GREB1: variants seen among roughly 807,000 people sequenced by gnomAD.
GREB1 encodes growth regulating estrogen receptor binding 1.
Under a neutral mutation model 200.7 loss-of-function variants are expected in GREB1, and 106 were observed. The ratio of observed to expected loss-of-function variants is 0.53; its 90% CI spans 0.45 to 0.62. GREB1 has a LOEUF of 0.62. Among genes scored for constraint, GREB1 ranks in the 20% least tolerant of loss-of-function variants. The pLI is 0.00. For missense variants in GREB1, 2,243 were observed against 2,556.8 expected (o/e 0.88, Z 2.65); for synonymous variants, 1,132 against 1,092.4 (o/e 1.04, Z -0.72).
At chr2:11,622,439 G>A (rs906366354) in intron 23 of GREB1, among the ~76,000 whole-genome samples, 6 of 152,152 alleles carry the variant, frequency 3.9e-5, no homozygotes, top group African/African-American at 1.4e-4. Flanking sequence ...CATGCACTCT[G>A]CCCATGTGTG....
At chr2:11,528,676 G>A (rs1251104067) in intron 1 of GREB1, among the ~76,000 whole-genome samples, 1 of 152,144 alleles carries the variant, frequency 6.6e-6, no homozygotes, top group Non-Finnish European at 1.5e-5. Flanking sequence ...TCATCTGTAA[G>A]CATTAATTGG....
At position 11,509,100 on chromosome 2, in the gene GREB1, C is replaced by T. The variant is rs1362248983; in HGVS notation, c.-159+26719C>T. On this transcript the variant is annotated intron_variant, in intron 1 of 2. Transcript: ENST00000628795. ...CCGTGTTAGCCAGGATGGTCTCGAT[C>T]TCCTGACCTCGTGATCCACCTGCCT... is the stretch of plus-strand genomic sequence containing the variant. Among the ~76,000 whole-genome samples, 3 of 128,814 alleles carry T rather than the reference C, an allele frequency of 2.3e-5. No homozygotes were observed. In the East Asian group the frequency reaches 6.8e-4, roughly 29 times the overall value. 84.5% of individuals were successfully genotyped at this position (128,814 alleles called of 152,430 possible).
rs932416619 is a variant in GREB1, at chr2:11,641,172, C to T, written c.*718C>T. ...GGGAGTTGGCGGGGAGGAAATAAGG[C>T]TAACAGAGGTTGACCTAAAATTAGC... On this transcript the variant is annotated 3_prime_UTR_variant, in exon 33 of 33. Transcript: ENST00000381486. 6.6e-6 allele frequency: 1 copy of T among 151,808 alleles called. No homozygotes were observed. Among genetic ancestry groups the T allele is most frequent in the Non-Finnish European group, 1.5e-5 (1 of 67,996 alleles). 9.4% of individuals were successfully genotyped at this position (151,808 alleles called of 1,614,324 possible).
rs1684906503 is a variant in GREB1, at chr2:11,631,891, G to A, written c.4612-18G>A. The A allele has an allele frequency of 6.3e-7, 1 of 1,592,748 alleles. No individual in the cohort carries two copies. Among genetic ancestry groups the A allele is most frequent in the East Asian group, 2.2e-5 (1 of 44,780 alleles). The stretch of plus-strand genomic sequence containing the variant: ...CACATTTACAAACACTCTACCTCAT[G>A]ATACCTGTACTTTGCAGAGCCATGA... On this transcript the variant is annotated intron_variant, in intron 26 of 32. Transcript: ENST00000381486.
chr2:11,612,700 T>TG (rs1376122386), intron 19 of GREB1, 90 bp downstream of exon 19: 7 of 788,464 alleles, frequency 8.9e-6, no homozygotes, highest in Non-Finnish European at 1.5e-5. Flanking sequence ...TGCTGTGCCC[T>TG]GACGGTAGGC....
At chr2:11,515,146 C>G (rs1307155699) in intron 1 of GREB1, among the ~76,000 whole-genome samples, 2 of 150,870 alleles carry the variant, frequency 1.3e-5, no homozygotes, top group East Asian at 3.9e-4. Flanking sequence ...ACCCACCCCC[C>G]ATCCGTCCAT....
At chr2:11,584,402 G>T (rs1679849127) in intron 7 of GREB1, among the ~76,000 whole-genome samples, 2 of 152,176 alleles carry the variant, frequency 1.3e-5, no homozygotes, top group African/African-American at 2.4e-5. Context: ...TTCCAGGCTG[G>T]GGCAGGGAGG....
intron 9 of GREB1, chr2:11,588,247 C>G: frequency 1.0e-6 from 1 of 993,450 alleles, no homozygotes; most frequent in South Asian, 4.1e-5. Flanking sequence ...AAAAGAATGA[C>G]TCAGTCTTCT....
rs776968548 is a variant in GREB1 at position 11,629,903 on chromosome 2, G to A, written c.4450-45G>A. The A allele has an allele frequency of 6.3e-7, 1 of 1,599,230 alleles. No individual in the cohort carries two copies. The highest frequency in any genetic ancestry group is 1.7e-5 in the Admixed American group (1 of 59,626). ...TGGGCCTGGGGTCTTCTGGGAAGCA[G>A]GCCGGACTCTGACGGCAAGCTCTGT... On this transcript the variant is annotated intron_variant, in intron 25 of 32. Coordinates refer to ENST00000381486, the MANE Select transcript of GREB1 (RefSeq NM_014668.4). This position sits in a 1 kb window ranked among gnomAD's most constrained non-coding sequence, Gnocchi z 5.2.
chr2:11,550,094 C>T (rs1675661445), intron 1 of GREB1, among the ~76,000 whole-genome samples: 1 of 152,118 alleles, frequency 6.6e-6, no homozygotes, highest in African/African-American at 2.4e-5. Flanking sequence ...TGGCGGGCGC[C>T]TGTAATCCCA....
intron 1 of GREB1, among the ~76,000 whole-genome samples, chr2:11,555,520 T>G (rs1420657688): frequency 6.6e-6 from 1 of 152,214 alleles, no homozygotes; most frequent in Non-Finnish European, 1.5e-5. Flanking sequence ...TGAAGAGAAT[T>G]AAGTCTAAAA....
intron 1 of GREB1, among the ~76,000 whole-genome samples, chr2:11,543,212 G>A (rs181766034): frequency 3.0e-4 from 45 of 152,242 alleles, no homozygotes; most frequent in Middle Eastern, 3.4e-3. Flanking sequence ...AGAGAGGCAC[G>A]TTTCAATAGG....
upstream of GREB1, among the ~76,000 whole-genome samples, chr2:11,531,009 A>AC (rs34831944): frequency 6.6e-6 from 1 of 151,398 alleles, no homozygotes; most frequent in Non-Finnish European, 1.5e-5. Flanking sequence ...AACTCCATTA[A>AC]CCCCCCCAAA....
At chr2:11,538,341 G>C (rs1273011885) in intron 1 of GREB1, among the ~76,000 whole-genome samples, 2 of 151,382 alleles carry the variant, frequency 1.3e-5, no homozygotes, top group Non-Finnish European at 2.9e-5. Flanking sequence ...CCTGACTGGG[G>C]CACCAAGAGG....
In GREB1 at chr2:11,635,296, A is replaced by G. The variant is rs2148442126; in HGVS notation, c.5237A>G (p.Asn1746Ser). ...NRFLCDDVDF[N>S]LRVHSAGLLL... ...TTCCTGTGTGACGATGTAGACTTCA[A>G]CCTGCGGGTGCACAGCGCCGGCCTC... The change falls in exon 30 of 33, where the codon AAC becomes AGC. Residue 1746 changes from asparagine to serine, a missense_variant. Transcript: ENST00000381486. 4.3e-6 allele frequency: 7 copies of G among 1,614,176 alleles called. No individual in the cohort carries two copies. In the East Asian group the frequency reaches 1.3e-4, roughly 31 times the overall value.
At chr2:11,504,832 A>G (rs1483883063) in intron 1 of GREB1, among the ~76,000 whole-genome samples, 2 of 152,184 alleles carry the variant, frequency 1.3e-5, no homozygotes, top group Non-Finnish European at 2.9e-5. Context: ...TACACTATTC[A>G]TTGAGCCCTT....
chr2:11,587,397 C>G lies in GREB1; in HGVS notation c.1160-1349C>G, dbSNP rs760420101. ...CCCACTGCAGTATTTGTAAATGGTGCTACCCAAATGGTAGCCCTTGGTCCG... is the reference window on the plus strand; with the variant it reads ...CCCACTGCAGTATTTGTAAATGGTGGTACCCAAATGGTAGCCCTTGGTCCG... On this transcript the variant is annotated intron_variant, in intron 9 of 32. Transcript: ENST00000381486. 4 of 1,613,290 alleles carry G rather than the reference C, an allele frequency of 2.5e-6. No individual in the cohort carries two copies. In the South Asian group the frequency reaches 4.4e-5, roughly 18 times the overall value.
intron 1 of GREB1, among the ~76,000 whole-genome samples, chr2:11,516,311 G>GGTGTGT (rs60141733): frequency 0.036 from 5,204 of 143,918 alleles, 118 homozygotes; most frequent in African/African-American, 0.057. Context: ...TTTTCCTGCA[G>GGTGTGT]GTGTGTGTGT....
intron 1 of GREB1, among the ~76,000 whole-genome samples, chr2:11,486,696 C>T (rs561515603): frequency 6.7e-4 from 102 of 151,894 alleles, no homozygotes; most frequent in African/African-American, 2.2e-3. Flanking sequence ...GGTGAAACCC[C>T]GTCTCTACTG....
Sources: gnomAD v4.1 joint callset for allele counts (sites outside exome capture counted in the v4.1 genomes callset) on GRCh38, gnomAD v4.1.1 for gene constraint, Gnocchi (gnomAD v3.1) non-coding constraint, MANE v1.5 for transcripts, NCBI Gene and HGNC (gene_info 2026-07-23, HGNC 2026-07-21) for gene names.